PVT1: variants seen among roughly 807,000 people sequenced by gnomAD.
PVT1 encodes Pvt1 oncogene, also known as CXCR4/PVT1 fusion.
intron 2 of PVT1, among the ~76,000 whole-genome samples, chr8:127,867,059 A>T (rs533964137): frequency 1.3e-4 from 20 of 152,370 alleles, no homozygotes; most frequent in Middle Eastern, 3.4e-3. Flanking sequence ...AAGCTCTACC[A>T]AGTGGTTTCC....
In PVT1 at chr8:128,022,004, A is replaced by T. The variant is rs577111926; in HGVS notation, n.912+32713A>T. Among the ~76,000 whole-genome samples, 9 of 152,288 alleles carry T rather than the reference A, an allele frequency of 5.9e-5. No individual in the cohort carries two copies. In the East Asian group the frequency reaches 1.7e-3, roughly 29 times the overall value. ...GAGGGAGAGGTTGCAGTGAGCCAAGATCATGCCACTGCACCCCAGCCTGGG... is the reference window on the plus strand; with the variant it reads ...GAGGGAGAGGTTGCAGTGAGCCAAGTTCATGCCACTGCACCCCAGCCTGGG... On this transcript the variant is annotated intron_variant and non_coding_transcript_variant, in intron 4 of 10. Coordinates refer to ENST00000651587, the Ensembl canonical transcript of PVT1.
chr8:128,055,898 C>T (rs1368305734), intron 4 of PVT1, among the ~76,000 whole-genome samples: 1 of 152,178 alleles, frequency 6.6e-6, no homozygotes, highest in Non-Finnish European at 1.5e-5. Context: ...GGTAAAGCAG[C>T]CACAGACCAG....
chr8:128,027,522 CAG>C (rs141202557), intron 4 of PVT1, among the ~76,000 whole-genome samples: 2,231 of 152,332 alleles, frequency 0.015, 44 homozygotes, highest in African/African-American at 0.052. Flanking sequence ...CACTGAGGCT[CAG>C]GGGATGAAGC....
chr8:127,846,519 C>T (rs1165717302), intron 2 of PVT1, among the ~76,000 whole-genome samples: 5 of 152,208 alleles, frequency 3.3e-5, no homozygotes, highest in African/African-American at 1.2e-4. Flanking sequence ...GAGCATTCTC[C>T]TGGATCAACT....
intron 3 of PVT1, among the ~76,000 whole-genome samples, chr8:127,984,991 CTCTT>C (rs1332234823): frequency 0.015 from 973 of 65,836 alleles, 123 homozygotes; most frequent in Admixed American, 0.021. Context: ...TTCTTTCTTT[CTCTT>C]TCCTTCCTTC....
intron 5 of PVT1, among the ~76,000 whole-genome samples, chr8:128,089,620 A>T (rs1309841921): frequency 6.6e-6 from 1 of 152,242 alleles, no homozygotes; most frequent in African/African-American, 2.4e-5. Context: ...TTTGCAGGCC[A>T]TGAGGGCATA....
intron 2 of PVT1, among the ~76,000 whole-genome samples, chr8:127,842,667 C>G (rs1342546100): frequency 6.6e-6 from 1 of 152,154 alleles, no homozygotes. Context: ...GTCATCTGTC[C>G]ACTCCTCCAA....
intron 4 of PVT1, among the ~76,000 whole-genome samples, chr8:128,032,231 G>A (rs577740317): frequency 2.0e-5 from 3 of 152,302 alleles, no homozygotes; most frequent in South Asian, 2.1e-4. Flanking sequence ...AGAAACGGTC[G>A]CAGCCCACAC....
intron 5 of PVT1, among the ~76,000 whole-genome samples, chr8:128,085,765 T>G (rs1198330985): frequency 2.6e-5 from 4 of 152,250 alleles, no homozygotes; most frequent in Non-Finnish European, 4.4e-5. Flanking sequence ...TTGGAGATAT[T>G]GAAATTTGAA....
chr8:127,845,152 G>C (rs950300867), intron 2 of PVT1, among the ~76,000 whole-genome samples: 1 of 152,110 alleles, frequency 6.6e-6, no homozygotes, highest in African/African-American at 2.4e-5. Flanking sequence ...CCCTTTGCAG[G>C]GTATAAAATC....
intron 2 of PVT1, among the ~76,000 whole-genome samples, chr8:127,851,030 A>T (rs1368423857): frequency 1.4e-5 from 2 of 142,462 alleles, no homozygotes; most frequent in Non-Finnish European, 2.9e-5. Context: ...AAAAAAAAAT[A>T]AAAAAAGATA....
chr8:127,884,216 A>G (rs1455288804), intron 2 of PVT1, among the ~76,000 whole-genome samples: 1 of 152,214 alleles, frequency 6.6e-6, no homozygotes, highest in Non-Finnish European at 1.5e-5. Context: ...CTGTTTATGT[A>G]CTTAATCTAA....
intron 4 of PVT1, among the ~76,000 whole-genome samples, chr8:128,019,216 G>C (rs920320471): frequency 6.6e-6 from 1 of 152,186 alleles, no homozygotes; most frequent in African/African-American, 2.4e-5. Flanking sequence ...CAGCCTGGTG[G>C]TTTTGTTTTA....
chr8:127,975,200 G>C (rs1204397378), intron 3 of PVT1, among the ~76,000 whole-genome samples: 1 of 152,044 alleles, frequency 6.6e-6, no homozygotes, highest in Non-Finnish European at 1.5e-5. Flanking sequence ...TGAGTCAAAG[G>C]GCACAGTTTT....
At chr8:127,800,575 C>T (rs1814452644) in intron 2 of PVT1, among the ~76,000 whole-genome samples, 1 of 152,210 alleles carries the variant, frequency 6.6e-6, no homozygotes, top group Admixed American at 6.5e-5. Flanking sequence ...TCTCCTCCCT[C>T]ATAAAATGGC....
At chr8:127,849,723 G>A (rs376493518) in intron 2 of PVT1, among the ~76,000 whole-genome samples, 14 of 122,772 alleles carry the variant, frequency 1.1e-4, no homozygotes, top group South Asian at 5.7e-4. Context: ...GTGCACGTGC[G>A]TGGGTGCACA....
chr8:127,811,214 A>C (rs1814591389), intron 2 of PVT1, among the ~76,000 whole-genome samples: 1 of 152,192 alleles, frequency 6.6e-6, no homozygotes, highest in Non-Finnish European at 1.5e-5. Flanking sequence ...GCCAAAAGAT[A>C]GACCCAGTGT....
intron 4 of PVT1, among the ~76,000 whole-genome samples, chr8:128,025,661 T>C (rs923666109): frequency 2.0e-5 from 3 of 152,212 alleles, no homozygotes; most frequent in African/African-American, 7.2e-5. Flanking sequence ...GTTGGAACCA[T>C]GTGACAGACT....
intron 2 of PVT1, among the ~76,000 whole-genome samples, chr8:127,862,964 C>T (rs1815244260): frequency 6.6e-6 from 1 of 152,182 alleles, no homozygotes. Context: ...CTGGATTCGA[C>T]ACCTCCATTT....
Sources: gnomAD v4.1 joint callset for allele counts (sites outside exome capture counted in the v4.1 genomes callset) on GRCh38, gnomAD v4.1.1 for gene constraint, MANE v1.5 for transcripts, NCBI Gene and HGNC (gene_info 2026-07-23, HGNC 2026-07-21) for gene names.